The following TMEM38B variants were observed in gnomAD, a reference collection of about 807,000 sequenced individuals.
TMEM38B encodes trimeric intracellular cation channel type B.
A neutral mutation model predicts 28.7 loss-of-function variants in TMEM38B; 24 were observed. The ratio of observed to expected loss-of-function variants is 0.84; its 90% confidence interval spans 0.61 to 1.18. The LOEUF is 1.18. Among genes scored for constraint, TMEM38B ranks in the 50% most tolerant of loss-of-function variants. The probability of loss-of-function intolerance (pLI) is 0.00; values close to 1 mark genes in which losing one functional copy is unlikely to be tolerated. For missense variants in TMEM38B, 380 were observed against 350.9 expected (o/e 1.08, Z -0.66); for synonymous variants, 131 against 127.7 (o/e 1.03, Z -0.17).
In TMEM38B at chr9:105,699,470, A is replaced by T. The variant is rs188610481; in HGVS notation, c.112+4698A>T. 2.5e-4 allele frequency among the ~76,000 whole-genome samples: 38 copies of T among 151,958 alleles called. 1 individual carries two copies. The East Asian group carries it at 7.3e-3, about 29-fold the overall frequency. On this transcript the variant is annotated intron_variant, in intron 1 of 5. Transcript: ENST00000374692. Reference sequence around the variant, plus strand: ...TGCACTCTGCCACTAACAATACCTCACTCCGTACTTTCCCACCATTTATAT... The same window carrying T: ...TGCACTCTGCCACTAACAATACCTCTCTCCGTACTTTCCCACCATTTATAT...
chr9:105,766,915 G>T (rs1311805183), intron 5 of TMEM38B, among the ~76,000 whole-genome samples: 7 of 100,132 alleles, frequency 7.0e-5, no homozygotes, highest in Admixed American at 1.5e-4. Flanking sequence ...GACAGGCCCC[G>T]GTGTGTGGTG....
At chr9:105,760,445 A>G (rs1456568637) in intron 5 of TMEM38B, 2 of 741,538 alleles carry the variant, frequency 2.7e-6, no homozygotes, top group African/African-American at 3.5e-5. Flanking sequence ...AATCCTGGAG[A>G]TGGACTATTT....
At chr9:105,752,719 A>G (rs1837699299) in intron 5 of TMEM38B, among the ~76,000 whole-genome samples, 2 of 152,228 alleles carry the variant, frequency 1.3e-5, no homozygotes, top group South Asian at 2.1e-4. Flanking sequence ...ATGAGAAAGA[A>G]TGCAAAAATG....
intron 4 of TMEM38B, among the ~76,000 whole-genome samples, chr9:105,736,637 T>C (rs1324395060): frequency 1.3e-5 from 2 of 152,248 alleles, no homozygotes; most frequent in Non-Finnish European, 2.9e-5. Flanking sequence ...GGAGAATTAC[T>C]GTGTTTCTTT....
rs140256092 is a variant in TMEM38B at position 105,771,741 on chromosome 9, C to A, written c.661-2124C>A. Among the ~76,000 whole-genome samples the A allele has an allele frequency of 3.2e-3, 482 of 152,250 alleles. 3 individuals carry two copies. Among genetic ancestry groups the A allele is most frequent in the African/African-American group, 0.011 (462 of 41,538 alleles). On this transcript the variant is annotated intron_variant, in intron 5 of 5. Transcript: ENST00000374692. ...AGGTTAATGTTATATTTGGACTCCT[C>A]GTTTTACATTCTCTCCAGGTGTGTA...
Position 105,776,465 on chromosome 9 carries a change from T to G in TMEM38B, c.*2385T>G, listed in dbSNP as rs955524981. On this transcript the variant is annotated 3_prime_UTR_variant, in exon 6 of 6. Transcript: ENST00000374692. ...CTCTGATTAGTGTATTTTTTTTTTG[T>G]CTATTCCTTAAAGCCCAGACACCTT... 1 of 151,996 alleles carries G rather than the reference T, an allele frequency of 6.6e-6. No homozygotes were observed. The highest frequency in any genetic ancestry group is 1.5e-5 in the Non-Finnish European group (1 of 67,992). 9.4% of individuals were successfully genotyped at this position (151,996 alleles called of 1,614,324 possible).
At chr9:105,764,975 A>C (rs911488310) in intron 5 of TMEM38B, among the ~76,000 whole-genome samples, 1 of 152,196 alleles carries the variant, frequency 6.6e-6, no homozygotes, top group South Asian at 2.1e-4. Context: ...AAAACAAGCA[A>C]TGGGGGAAGG....
chr9:105,758,630 G>A, intron 5 of TMEM38B: 2 of 823,728 alleles, frequency 2.4e-6, no homozygotes, highest in South Asian at 2.7e-5. Context: ...GTACTAACCA[G>A]CTCTTCAGAT....
intron 4 of TMEM38B, among the ~76,000 whole-genome samples, chr9:105,731,084 A>C (rs1354859222): frequency 6.6e-6 from 1 of 151,754 alleles, no homozygotes; most frequent in Non-Finnish European, 1.5e-5. Context: ...CATTGATCTT[A>C]GTTATTTCTT....
At chr9:105,718,023 G>A (rs1459032881) in intron 2 of TMEM38B, among the ~76,000 whole-genome samples, 1 of 152,160 alleles carries the variant, frequency 6.6e-6, no homozygotes, top group Non-Finnish European at 1.5e-5. Context: ...CACAGTTACT[G>A]AGTAGTTGAA....
chr9:105,773,429 G>T (rs188224676), intron 5 of TMEM38B, among the ~76,000 whole-genome samples: 1 of 152,036 alleles, frequency 6.6e-6, no homozygotes. Context: ...TTGTGATTTT[G>T]GGCAAGTTAT....
At chr9:105,747,335 T>A (rs1356781922) in intron 4 of TMEM38B, among the ~76,000 whole-genome samples, 1 of 152,240 alleles carries the variant, frequency 6.6e-6, no homozygotes, top group African/African-American at 2.4e-5. Flanking sequence ...ATTTATCCAT[T>A]TCTTCTAGAT....
chr9:105,743,551 C>T (rs1338615408), intron 4 of TMEM38B, among the ~76,000 whole-genome samples: 1 of 151,986 alleles, frequency 6.6e-6, no homozygotes, highest in African/African-American at 2.4e-5. Flanking sequence ...TGAAGTGATG[C>T]TTCTTATTTG....
chr9:105,744,829 A>G (rs1837331385), intron 4 of TMEM38B, among the ~76,000 whole-genome samples: 1 of 152,038 alleles, frequency 6.6e-6, no homozygotes, highest in Admixed American at 6.6e-5. Flanking sequence ...GAGTGAGAAC[A>G]TGTGGTGTTT....
chr9:105,694,578 C>A lies in TMEM38B; in HGVS notation c.-83C>A. On this transcript the variant is annotated 5_prime_UTR_variant, in exon 1 of 6. It adds an upstream start codon to the 5' untranslated region. Coordinates refer to ENST00000374692, the MANE Select transcript of TMEM38B (RefSeq NM_018112.3). ...GGCGCGGAGGAGCGGGCGGCCGCGG[C>A]TGTGCCCTCTCCTACTCCTCACCGC... 1 of 1,093,962 alleles carries A rather than the reference C, an allele frequency of 9.1e-7. No homozygotes were observed. Among genetic ancestry groups the A allele is most frequent in the Non-Finnish European group, 1.3e-6 (1 of 741,910 alleles). 67.8% of individuals were successfully genotyped at this position (1,093,962 alleles called of 1,614,324 possible).
At chr9:105,748,012 G>T in intron 4 of TMEM38B, 61 bp from the exon 5 acceptor site, 1 of 1,164,746 alleles carries the variant, frequency 8.6e-7, no homozygotes, top group South Asian at 1.3e-5. Flanking sequence ...TGCACTCTTT[G>T]AGAAAGTTAG....
At chr9:105,727,066 C>T (rs1290759668) in intron 4 of TMEM38B, among the ~76,000 whole-genome samples, 8 of 152,054 alleles carry the variant, frequency 5.3e-5, no homozygotes, top group Non-Finnish European at 2.9e-5. Context: ...TGTGTGTGTG[C>T]AGCAGGAGCA....
intron 1 of TMEM38B, among the ~76,000 whole-genome samples, chr9:105,700,809 A>G (rs1446174690): frequency 6.6e-6 from 1 of 152,174 alleles, no homozygotes. Context: ...TCCCCATGTA[A>G]AAACAGGGAA....
At chr9:105,731,164 T>C (rs1207699373) in intron 4 of TMEM38B, among the ~76,000 whole-genome samples, 4 of 151,894 alleles carry the variant, frequency 2.6e-5, no homozygotes, top group African/African-American at 4.8e-5. Context: ...CTTAGGGTGT[T>C]GATTTTAGGT....
Sources: allele counts gnomAD v4.1 joint callset (sites outside exome capture counted in the v4.1 genomes callset), GRCh38; gene constraint gnomAD v4.1.1; transcripts MANE v1.5; gene names NCBI Gene and HGNC (gene_info 2026-07-23, HGNC 2026-07-21).